OR8D1: variants seen among roughly 807,000 people sequenced by gnomAD.
OR8D1 encodes olfactory receptor family 8 subfamily D member 1, also known as olfactory receptor 8D1.
For missense variants in OR8D1, 384 were observed against 366.8 expected (o/e 1.05, Z -0.38); for synonymous variants, 143 against 147.0 (o/e 0.97, Z 0.20).
intron 1 of OR8D1, among the ~76,000 whole-genome samples, chr11:124,313,214 AAAAGAAAGAAGG>A (rs1474189989): frequency 5.5e-5 from 8 of 146,248 alleles, no homozygotes; most frequent in African/African-American, 1.9e-4. Flanking sequence ...AGAAAGAAAG[AAAAGAAAGAAGG>A]AAAGAAAGAA....
In OR8D1 at chr11:124,309,727, T is replaced by C. The variant is rs1862400429; in HGVS notation, c.*113A>G. 1 of 534,524 alleles carries C rather than the reference T, an allele frequency of 1.9e-6. No individual in the cohort carries two copies. The highest frequency in any genetic ancestry group is 3.0e-6 in the Non-Finnish European group (1 of 331,076). 33.1% of individuals were successfully genotyped at this position (534,524 alleles called of 1,614,324 possible). The stretch of plus-strand genomic sequence containing the variant: ...TCAATCATAGATGGGAAAGTATTTT[T>C]AAAATCTAGATATTATGTATGTTAC... On this transcript the variant is annotated 3_prime_UTR_variant, in exon 3 of 3. Coordinates refer to ENST00000641015, the MANE Select transcript of OR8D1 (RefSeq NM_001002917.2).
intron 1 of OR8D1, among the ~76,000 whole-genome samples, chr11:124,312,370 T>C (rs2137793989): frequency 6.6e-6 from 1 of 152,188 alleles, no homozygotes; most frequent in Admixed American, 6.5e-5. Flanking sequence ...GTTTGGCCTT[T>C]TTTGAAGGAG....
chr11:124,312,448 G>C (rs1188529059), intron 1 of OR8D1, among the ~76,000 whole-genome samples: 1 of 151,892 alleles, frequency 6.6e-6, no homozygotes, highest in Non-Finnish European at 1.5e-5. Context: ...AAACACAGCA[G>C]AGCTATGCAA....
In OR8D1 at chr11:124,310,758, C is replaced by A; in HGVS notation, c.9G>T (p.Met3Ile). Residue 3 changes from methionine to isoleucine, a missense_variant, in exon 3 of 3, where the codon ATG (methionine) becomes ATT (isoleucine). By Grantham distance (10) the Met-to-Ile change is conservative (BLOSUM62 1). Transcript: ENST00000641015. Reference protein sequence around the residue: MTMENYSMAAQFV... With the variant: MTIENYSMAAQFV... ...ACTGAGCTGCCATAGAATAATTTTC[C>A]ATGGTCATTCTTCTTTAGGCATTTC... The A allele has an allele frequency of 6.2e-7, 1 of 1,608,132 alleles. No individual in the cohort carries two copies. The highest frequency in any genetic ancestry group is 1.1e-5 in the South Asian group (1 of 90,612).
intron 1 of OR8D1, 33 bp from the exon 2 acceptor site, chr11:124,311,709 C>A (rs1367535735): frequency 1.3e-5 from 2 of 152,140 alleles, no homozygotes; most frequent in East Asian, 3.9e-4. Context: ...GAATGCTGTA[C>A]TTTTCCCAGA....
chr11:124,312,043 A>G (rs1862426298), intron 1 of OR8D1, among the ~76,000 whole-genome samples: 1 of 152,222 alleles, frequency 6.6e-6, no homozygotes, highest in South Asian at 2.1e-4. Context: ...ATTTCATGTA[A>G]ACTTCATTGT....
chr11:124,306,963 A>G lies in OR8D1; in HGVS notation c.*2877T>C, dbSNP rs1389012237. On this transcript the variant is annotated 3_prime_UTR_variant, in exon 3 of 3. Transcript: ENST00000641015. ...TGTTGTTCTTTTTGAGAGTTAGCAT[A>G]TTTTAGAAACAATATATCCTTGGTT... 6.6e-6 allele frequency: 1 copy of G among 152,088 alleles called. No homozygotes were observed. 9.4% of individuals were successfully genotyped at this position (152,088 alleles called of 1,614,324 possible).
At position 124,310,165 on chromosome 11, in the gene OR8D1, A is replaced by G. The variant is rs79388169; in HGVS notation, c.602T>C (p.Ile201Thr). ...NTHLNELLLF[I>T]IAGFNTLVPT... ...CACCAAGGTGTTAAACCCCGCAATG[A>G]TAAAAAGTAGAAGCTCATTGAGGTG... The change falls in exon 3 of 3, where the codon ATC (isoleucine) becomes ACC (threonine). Residue 201 changes from isoleucine to threonine, a missense_variant. Ile to Thr is a moderately conservative substitution (Grantham distance 89). Coordinates refer to ENST00000641015, the MANE Select transcript of OR8D1 (RefSeq NM_001002917.2). 3,031 of 1,613,728 alleles carry G rather than the reference A, an allele frequency of 1.9e-3. 55 individuals are homozygous for G. In the African/African-American group the frequency reaches 0.036, roughly 19 times the overall value.
In OR8D1 at chr11:124,309,976, G is replaced by A; in HGVS notation, c.791C>T (p.Ser264Leu). ...SITFMYFKPP[S>L]SNSLDQEKVS... ...CTTCTCCTGGTCCAGGGAGTTACTT[G>A]AAGGGGGCTTGAAATACATGAAGGT... Residue 264 changes from serine (S) to leucine (L), a missense_variant, in exon 3 of 3, where the codon TCA becomes TTA. By Grantham distance (145) the Ser-to-Leu change is moderately radical. Transcript: ENST00000641015. 1 of 1,575,732 alleles carries A rather than the reference G, an allele frequency of 6.3e-7. No homozygotes were observed. Among genetic ancestry groups the A allele is most frequent in the Non-Finnish European group, 8.6e-7 (1 of 1,162,266 alleles).
Position 124,308,870 on chromosome 11 carries a change from T to C in OR8D1, c.*970A>G, listed in dbSNP as rs1862389705. The stretch of plus-strand genomic sequence containing the variant: ...GATGCAGAACAGTAGAGGCATCTTA[T>C]TACTACCCAGCAACATACAAAAGCT... On this transcript the variant is annotated 3_prime_UTR_variant, in exon 3 of 3. Transcript: ENST00000641015. 2 of 152,254 alleles carry C rather than the reference T, an allele frequency of 1.3e-5. No homozygotes were observed. The highest frequency in any genetic ancestry group is 6.5e-5 in the Admixed American group (1 of 15,274). The allele number at this position is 152,254 out of a possible 1,614,324, so 9.4% of individuals were successfully genotyped here. A position where few individuals can be genotyped will look rare whatever the true frequency, so the allele number is the denominator to read the frequency against.
intron 2 of OR8D1, 89 bp from the exon 3 acceptor site, chr11:124,310,871 A>C: frequency 1.3e-6 from 1 of 758,020 alleles, no homozygotes; most frequent in Non-Finnish European, 2.1e-6. Context: ...GGTTGACAGC[A>C]GCTAACAGAC....
chr11:124,305,512 T>A lies in OR8D1; in HGVS notation c.*4328A>T, dbSNP rs1295909542. ...AAATGACCAATTGTACAAGTCAATA[T>A]AGTGGGTACTTCTTGAAGATGGGTA... On this transcript the variant is annotated 3_prime_UTR_variant, in exon 3 of 3. Transcript: ENST00000641015. The A allele has an allele frequency of 6.6e-6, 1 of 151,592 alleles. No homozygotes were observed. The highest frequency in any genetic ancestry group is 2.4e-5 in the African/African-American group (1 of 41,340). 9.4% of individuals were successfully genotyped at this position (151,592 alleles called of 1,614,324 possible). A position where few individuals can be genotyped will look rare whatever the true frequency, so the allele number is the denominator to read the frequency against.
chr11:124,312,523 T>TTTG (rs1310880388), intron 1 of OR8D1, among the ~76,000 whole-genome samples: 2 of 150,110 alleles, frequency 1.3e-5, no homozygotes, highest in African/African-American at 4.9e-5. Context: ...TCTTTCTTTT[T>TTTG]TTTTTTTTTT....
In OR8D1 at chr11:124,308,432, G is replaced by A. The variant is rs994418663; in HGVS notation, c.*1408C>T. The A allele has an allele frequency of 6.6e-6, 1 of 152,128 alleles. No individual in the cohort carries two copies. Among genetic ancestry groups the A allele is most frequent in the Non-Finnish European group, 1.5e-5 (1 of 67,984 alleles). The allele number at this position is 152,128 out of a possible 1,614,324, so 9.4% of individuals were successfully genotyped here. Reference sequence around the variant, plus strand: ...TAAGATAACATTAAAAAATATTAGAGCAAGGCATACAGAAGAGAAGATGTA... The same window carrying A: ...TAAGATAACATTAAAAAATATTAGAACAAGGCATACAGAAGAGAAGATGTA... On this transcript the variant is annotated 3_prime_UTR_variant, in exon 3 of 3. Coordinates refer to ENST00000641015, the MANE Select transcript of OR8D1 (RefSeq NM_001002917.2).
intron 1 of OR8D1, among the ~76,000 whole-genome samples, chr11:124,313,061 C>A (rs1862436212): frequency 6.6e-6 from 1 of 151,710 alleles, no homozygotes; most frequent in African/African-American, 2.4e-5. Context: ...GTAATCCTAG[C>A]TACTCGGGAG....
At position 124,309,812 on chromosome 11, in the gene OR8D1, C is replaced by G. The variant is rs775244531; in HGVS notation, c.*28G>C. 7.8e-7 allele frequency: 1 copy of G among 1,284,160 alleles called. No homozygotes were observed. The highest frequency in any genetic ancestry group is 1.0e-6 in the Non-Finnish European group (1 of 965,156). 79.5% of individuals were successfully genotyped at this position (1,284,160 alleles called of 1,614,324 possible). A position where few individuals can be genotyped will look rare whatever the true frequency, so the allele number is the denominator to read the frequency against. ...ATGTTCATTGGAACTATTCATTTTT[C>G]CCATCTATAAATCCCCCAAATCAGG... On this transcript the variant is annotated 3_prime_UTR_variant, in exon 3 of 3. Transcript: ENST00000641015.
intron 1 of OR8D1, among the ~76,000 whole-genome samples, chr11:124,313,216 A>G (rs1243701886): frequency 2.0e-5 from 3 of 150,300 alleles, no homozygotes; most frequent in Non-Finnish European, 4.4e-5. Context: ...AAAGAAAGAA[A>G]AGAAAGAAGG....
Position 124,309,990 on chromosome 11 carries a change from A to G in OR8D1, c.777T>C (p.Tyr259=). The G allele has an allele frequency of 1.9e-6, 3 of 1,583,768 alleles. No homozygotes were observed. The highest frequency in any genetic ancestry group is 1.2e-5 in the South Asian group (1 of 85,832). ...GGGAGTTACTTGAAGGGGGCTTGAA[A>G]TACATGAAGGTAATGGACCCAAAGA... ...VIFFGSITFM[Y]FKPPSSNSLD... is the part of the protein sequence containing the mutation. Residue 259 remains tyrosine (Y), a synonymous_variant, in exon 3 of 3, where the codon TAT becomes TAC. Transcript: ENST00000641015.
chr11:124,311,737 G>A (rs1428648584), intron 1 of OR8D1, 61 bp from the exon 2 acceptor site: 1 of 152,164 alleles, frequency 6.6e-6, no homozygotes, highest in Non-Finnish European at 1.5e-5. Flanking sequence ...CTAGAATCTA[G>A]TTGGTCCACC....
Sources: gnomAD v4.1 joint callset for allele counts (sites outside exome capture counted in the v4.1 genomes callset) on GRCh38, gnomAD v4.1.1 for gene constraint, MANE v1.5 for transcripts, NCBI Gene and HGNC (gene_info 2026-07-23, HGNC 2026-07-21) for gene names.